The following PDZD2 variants were observed in gnomAD, a reference collection of about 807,000 sequenced individuals.
PDZD2 encodes the protein PDZ domain containing 2, also known as PDZ domain-containing protein 2.
In PDZD2, 90 loss-of-function variants were observed where a neutral mutation model predicts 220.7. The observed-to-expected ratio is 0.41, with a 90% CI of 0.34 to 0.49. The LOEUF is 0.49. Ranked by LOEUF, PDZD2 falls within the 20% of genes least tolerant of loss-of-function variation. The probability of loss-of-function intolerance (pLI) is 0.28; values close to 1 mark genes in which losing one functional copy is unlikely to be tolerated. For synonymous variants in PDZD2, 1,375 were observed against 1,450.5 expected (o/e 0.95, Z 1.18); for missense variants, 3,174 against 3,608.5 (o/e 0.88, Z 3.08).
chr5:31,874,181 CATT>C (rs1166221017), intron 2 of PDZD2, among the ~76,000 whole-genome samples: 1 of 152,200 alleles, frequency 6.6e-6, no homozygotes, highest in African/African-American at 2.4e-5. Context: ...AGCCCACTCA[CATT>C]ATGGACTCAG....
chr5:32,063,027 ATATTATTATTATTAT>A (rs147802513), intron 14 of PDZD2, among the ~76,000 whole-genome samples: 4 of 142,328 alleles, frequency 2.8e-5, no homozygotes, highest in Admixed American at 7.1e-5. Context: ...TGAGAATGAA[ATATTATTATTATTAT>A]TATTATTATT....
chr5:31,783,686 T>C (rs766393103), intron 1 of PDZD2, among the ~76,000 whole-genome samples: 11 of 152,132 alleles, frequency 7.2e-5, no homozygotes, highest in Non-Finnish European at 1.5e-4. Flanking sequence ...GCAGCGTGCC[T>C]GAGAGTGTCT....
At chr5:31,898,763 A>G (rs1741804285) in intron 2 of PDZD2, among the ~76,000 whole-genome samples, 1 of 149,502 alleles carries the variant, frequency 6.7e-6, no homozygotes, top group South Asian at 2.1e-4. Context: ...CAGGTCATCC[A>G]GGACGGCTTT....
In PDZD2 at chr5:32,110,180, AT is replaced by A. The variant is rs1745248264; in HGVS notation, c.*2047del. The stretch of plus-strand genomic sequence containing the variant: ...ACTCTTACAGCTGTGCCTAATAATA[AT>A]TAATTAATAAACGCACAGCCCTATG... On this transcript the variant is annotated 3_prime_UTR_variant, in exon 25 of 25. Transcript: ENST00000438447. The A allele has an allele frequency of 1.3e-5, 2 of 149,672 alleles. No homozygotes were observed. The highest frequency in any genetic ancestry group is 5.2e-5 in the African/African-American group (2 of 38,742). The allele number at this position is 149,672 out of a possible 1,614,324, so 9.3% of individuals were successfully genotyped here.
chr5:31,983,750 G>T, intron 3 of PDZD2, 94 bp downstream of exon 3: 2 of 1,252,528 alleles, frequency 1.6e-6, no homozygotes, highest in Non-Finnish European at 1.1e-6. Context: ...TACAAGCTGG[G>T]CTCAGAACCA....
chr5:31,736,676 A>G (rs1396017348), intron 1 of PDZD2, among the ~76,000 whole-genome samples: 1 of 152,192 alleles, frequency 6.6e-6, no homozygotes, highest in Non-Finnish European at 1.5e-5. Flanking sequence ...CCTCAGATCT[A>G]TGGTGCTGCC....
chr5:32,103,967 AGAG>A (rs1392913064), intron 24 of PDZD2: 5 of 152,254 alleles, frequency 3.3e-5, no homozygotes, highest in African/African-American at 1.2e-4. Flanking sequence ...GGAAATGGAT[AGAG>A]AAGAAGAAAA....
chr5:32,069,459 TG>T, intron 14 of PDZD2, 109 bp from the exon 15 acceptor site: 1 of 689,262 alleles, frequency 1.5e-6, no homozygotes, highest in Non-Finnish European at 2.7e-6. Flanking sequence ...TCCTTGGCCC[TG>T]TGGTTTGCCT....
intron 5 of PDZD2, among the ~76,000 whole-genome samples, chr5:32,006,351 C>CA (rs759042674): frequency 0.026 from 2,189 of 83,932 alleles, 36 homozygotes; most frequent in African/African-American, 0.089. Context: ...TTAGGAAGTA[C>CA]AATTTTTTTT....
At chr5:31,750,678 T>C (rs905380135) in intron 1 of PDZD2, among the ~76,000 whole-genome samples, 10 of 152,098 alleles carry the variant, frequency 6.6e-5, no homozygotes, top group African/African-American at 2.2e-4. Flanking sequence ...GAACAGCAAC[T>C]GCAAAGGGCC....
intron 2 of PDZD2, among the ~76,000 whole-genome samples, chr5:31,815,625 G>A (rs935098338): frequency 1.6e-4 from 25 of 152,100 alleles, no homozygotes; most frequent in African/African-American, 5.6e-4. Flanking sequence ...AGAATATAAT[G>A]AGGCATGTCC....
At chr5:31,737,222 G>C (rs967509778) in intron 1 of PDZD2, among the ~76,000 whole-genome samples, 1 of 140,632 alleles carries the variant, frequency 7.1e-6, no homozygotes, top group Admixed American at 7.6e-5. Context: ...TCCCAGGCTG[G>C]AGTGCAGTGG....
chr5:31,906,266 TTTG>T (rs143698376), intron 2 of PDZD2, among the ~76,000 whole-genome samples: 19,368 of 142,514 alleles, frequency 0.14, 1,434 homozygotes, highest in Non-Finnish European at 0.15. Context: ...GTTCGCTGAT[TTTG>T]TTGTTGTTGT....
At chr5:32,059,151 TATTA>T in intron 12 of PDZD2, 84 bp from the exon 13 acceptor site, 1 of 709,592 alleles carries the variant, frequency 1.4e-6, no homozygotes, top group Admixed American at 2.2e-5. Flanking sequence ...TCTGAATAGA[TATTA>T]ATTCTGTTTC....
rs547613344 is a variant in PDZD2 at position 31,780,322 on chromosome 5, C to T, written c.-360-18567C>T. 3.9e-5 allele frequency among the ~76,000 whole-genome samples: 6 copies of T among 152,102 alleles called. No homozygotes were observed. In the South Asian group the frequency reaches 1.2e-3, roughly 32 times the overall value. On this transcript the variant is annotated intron_variant, in intron 1 of 24. Transcript: ENST00000438447. ...CGCCTTAAGGATGCCGGGGGGGCTTCAGCCTCTGCCTTTGCTTGTGTTCCA... is the reference window on the plus strand; with the variant it reads ...CGCCTTAAGGATGCCGGGGGGGCTTTAGCCTCTGCCTTTGCTTGTGTTCCA...
At position 32,048,602 on chromosome 5, in the gene PDZD2, C is replaced by T. The variant is rs1188868732; in HGVS notation, c.1583C>T (p.Pro528Leu). 1.2e-6 allele frequency: 2 copies of T among 1,614,000 alleles called. No homozygotes were observed. Among genetic ancestry groups the T allele is most frequent in the Middle Eastern group, 3.3e-4 (2 of 6,062 alleles). The change falls in exon 8 of 25, where the codon CCC becomes CTC. Residue 528 changes from proline (P) to leucine (L), a missense_variant. Coordinates refer to ENST00000438447, the MANE Select transcript of PDZD2 (RefSeq NM_178140.4). Reference protein sequence around the residue: ...YNELMVRNGDPRIRMLEVSRD... With the variant: ...YNELMVRNGDLRIRMLEVSRD... Reference sequence around the variant, plus strand: ...GAGCTGATGGTGCGGAATGGGGACCCCCGGATCCGGATGTTGGAGGTCTCC... The same window carrying T: ...GAGCTGATGGTGCGGAATGGGGACCTCCGGATCCGGATGTTGGAGGTCTCC...
chr5:31,650,146 A>G (rs1580515963), intron 1 of PDZD2, among the ~76,000 whole-genome samples: 1 of 152,122 alleles, frequency 6.6e-6, no homozygotes, highest in East Asian at 2.0e-4. Flanking sequence ...CCCTGTGTTA[A>G]CAATCTGTGT....
At chr5:31,740,305 G>T (rs1449317620) in intron 1 of PDZD2, among the ~76,000 whole-genome samples, 1 of 151,722 alleles carries the variant, frequency 6.6e-6, no homozygotes, top group East Asian at 1.9e-4. Context: ...CAGATCACAA[G>T]GTTAGGAGAT....
chr5:31,966,943 T>C (rs565731722), intron 2 of PDZD2, among the ~76,000 whole-genome samples: 22 of 152,296 alleles, frequency 1.4e-4, no homozygotes, highest in African/African-American at 4.8e-4. Flanking sequence ...GAGAAGAGAT[T>C]CAGGAGAACA....
Sources: allele counts gnomAD v4.1 joint callset (sites outside exome capture counted in the v4.1 genomes callset), GRCh38; gene constraint gnomAD v4.1.1; transcripts MANE v1.5; gene names NCBI Gene and HGNC (gene_info 2026-07-23, HGNC 2026-07-21).